NBEA: variants seen among roughly 807,000 people sequenced by gnomAD.
The protein encoded by NBEA is lysosomal-trafficking regulator 2.
In NBEA, 44 loss-of-function variants were observed where a neutral mutation model predicts 343.4. That is an observed-to-expected ratio of 0.13 (90% CI 0.10 to 0.16). The LOEUF is 0.16. Ranked by LOEUF, NBEA falls within the 10% of genes least tolerant of loss-of-function variation. The pLI is 1.00. For missense variants in NBEA, 2,555 were observed against 3,631.3 expected, an observed-to-expected ratio of 0.70 and a Z score of 7.62; for synonymous variants, 1,175 against 1,238.7, an observed-to-expected ratio of 0.95 and a Z score of 1.08.
intron 1 of NBEA, among the ~76,000 whole-genome samples, chr13:34,999,934 C>A (rs1446520588): frequency 1.3e-5 from 2 of 152,158 alleles, no homozygotes; most frequent in Non-Finnish European, 2.9e-5. Flanking sequence ...GGAAACTAAA[C>A]TGTGATGCCC....
At chr13:35,183,938 A>G (rs748158403) in intron 29 of NBEA, 38 bp from the exon 30 acceptor site, 5 of 1,507,974 alleles carry the variant, frequency 3.3e-6, no homozygotes, top group Non-Finnish European at 4.6e-6. Context: ...AGGTTGTTAC[A>G]TGCTGGCTCA....
At chr13:35,035,072 G>A (rs2062388753) in intron 1 of NBEA, among the ~76,000 whole-genome samples, 1 of 151,300 alleles carries the variant, frequency 6.6e-6, no homozygotes, top group Non-Finnish European at 1.5e-5. Flanking sequence ...TTTGGATTTG[G>A]TGTGCTCTTG....
intron 1 of NBEA, among the ~76,000 whole-genome samples, chr13:35,037,675 C>T (rs1186058090): frequency 6.6e-6 from 1 of 152,114 alleles, no homozygotes; most frequent in African/African-American, 2.4e-5. Context: ...TTACTTTCTC[C>T]CAAGCACACA....
intron 39 of NBEA, among the ~76,000 whole-genome samples, chr13:35,435,903 A>G (rs1288919430): frequency 6.6e-6 from 1 of 152,190 alleles, no homozygotes; most frequent in Non-Finnish European, 1.5e-5. Context: ...AAGAGTCTCA[A>G]AAATGCTGAT....
At chr13:35,406,297 C>CTT (rs10638454) in intron 38 of NBEA, among the ~76,000 whole-genome samples, 73,463 of 143,640 alleles carry the variant, frequency 0.51, 20,306 homozygotes, top group South Asian at 0.64. Flanking sequence ...TCAGCCAAAT[C>CTT]TTTTTTTTTT....
At chr13:35,484,270 G>GTATATA (rs1203247087) in intron 41 of NBEA, among the ~76,000 whole-genome samples, 5 of 121,970 alleles carry the variant, frequency 4.1e-5, no homozygotes, top group Non-Finnish European at 6.6e-5. Flanking sequence ...GTGTGTGTGT[G>GTATATA]TGTGTATATA....
intron 11 of NBEA, among the ~76,000 whole-genome samples, chr13:35,102,566 A>G (rs2065698590): frequency 6.6e-6 from 1 of 151,620 alleles, no homozygotes; most frequent in Admixed American, 6.6e-5. Flanking sequence ...TTCTGTATGG[A>G]ACAGTTTCTG....
chr13:34,983,527 G>C (rs990528138), intron 1 of NBEA, among the ~76,000 whole-genome samples: 2 of 152,112 alleles, frequency 1.3e-5, no homozygotes, highest in African/African-American at 4.8e-5. Context: ...AATCTTTTGG[G>C]TATATACCCA....
intron 1 of NBEA, among the ~76,000 whole-genome samples, chr13:34,963,416 A>G (rs1283871349): frequency 6.6e-6 from 1 of 151,948 alleles, no homozygotes; most frequent in African/African-American, 2.4e-5. Context: ...TAAAGGTTCT[A>G]TCTCCAAATG....
intron 41 of NBEA, among the ~76,000 whole-genome samples, chr13:35,506,903 C>T (rs151157819): frequency 4.3e-4 from 65 of 152,226 alleles, no homozygotes; most frequent in Middle Eastern, 6.8e-3. Flanking sequence ...CTTGAACATC[C>T]CTTTTAATAT....
chr13:35,056,670 G>A (rs1475580205), intron 7 of NBEA, among the ~76,000 whole-genome samples: 3 of 152,100 alleles, frequency 2.0e-5, no homozygotes, highest in African/African-American at 7.2e-5. Context: ...GAATAGGAAA[G>A]TTCAAGGAAA....
intron 38 of NBEA, among the ~76,000 whole-genome samples, chr13:35,426,302 T>C (rs1053621122): frequency 1.3e-5 from 2 of 152,192 alleles, no homozygotes; most frequent in African/African-American, 4.8e-5. Flanking sequence ...TTCCTTTCCA[T>C]GTTTAGTGCT....
At chr13:35,593,559 T>C in intron 47 of NBEA, 112 bp downstream of exon 47, 1 of 709,128 alleles carries the variant, frequency 1.4e-6, no homozygotes, top group Middle Eastern at 3.4e-4. Flanking sequence ...TTCCATCATA[T>C]TAAAATTATA....
rs75816421 is a variant in NBEA at position 35,020,462 on chromosome 13, G to A, written c.295-20471G>A. Among the ~76,000 whole-genome samples, 34 of 152,190 alleles carry A rather than the reference G, an allele frequency of 2.2e-4. No homozygotes were observed. In the South Asian group the frequency reaches 7.1e-3, roughly 32 times the overall value. On this transcript the variant is annotated intron_variant, in intron 1 of 58. Transcript: ENST00000379939. ...TAGAAGGCTATATTTTCTGCTGTTG[G>A]ATGGTATGTATGCCCCAATAACAAT...
chr13:35,274,918 T>C (rs2034466141), intron 34 of NBEA, among the ~76,000 whole-genome samples: 1 of 152,076 alleles, frequency 6.6e-6, no homozygotes, highest in South Asian at 2.1e-4. Context: ...ATCATGAAAA[T>C]GGCCATACTG....
chr13:35,581,523 C>T (rs2081034616), intron 45 of NBEA, among the ~76,000 whole-genome samples: 1 of 151,544 alleles, frequency 6.6e-6, no homozygotes, highest in African/African-American at 2.4e-5. Flanking sequence ...TGGATATTAG[C>T]CCTTTGTCAG....
At chr13:35,174,463 A>C (rs2070721377) in intron 27 of NBEA, among the ~76,000 whole-genome samples, 1 of 152,092 alleles carries the variant, frequency 6.6e-6, no homozygotes, top group Non-Finnish European at 1.5e-5. Flanking sequence ...TTGCTCAATA[A>C]GTGAAGGTAT....
chr13:35,486,914 A>G lies in NBEA; in HGVS notation c.6585+14378A>G, dbSNP rs533055020. On this transcript the variant is annotated intron_variant, in intron 41 of 58. Transcript: ENST00000379939. ...ACTAATTCACCTAGATAACCACTTC[A>G]TTGTAAAACTTAAGATTAATGGGAT... is the stretch of plus-strand genomic sequence containing the variant. 4.2e-3 allele frequency among the ~76,000 whole-genome samples: 637 copies of G among 152,152 alleles called. 3 individuals are homozygous for G. Among genetic ancestry groups the G allele is most frequent in the Middle Eastern group, 6.8e-3 (2 of 294 alleles).
intron 17 of NBEA, among the ~76,000 whole-genome samples, chr13:35,135,630 G>T (rs1267431676): frequency 2.0e-5 from 3 of 151,902 alleles, no homozygotes; most frequent in Admixed American, 6.6e-5. Flanking sequence ...GAACAAATAA[G>T]TAAAAATGTC....
Sources: gnomAD v4.1 joint callset for allele counts (sites outside exome capture counted in the v4.1 genomes callset) on GRCh38, gnomAD v4.1.1 for gene constraint, MANE v1.5 for transcripts, NCBI Gene and HGNC (gene_info 2026-07-23, HGNC 2026-07-21) for gene names.